The following XPNPEP1 variants were observed in gnomAD, a reference collection of about 807,000 sequenced individuals.
XPNPEP1 encodes xaa-Pro aminopeptidase 1.
A neutral mutation model predicts 92.4 loss-of-function variants in XPNPEP1; 39 were observed. That is an observed-to-expected ratio of 0.42 (90% CI 0.33 to 0.55). XPNPEP1 has a LOEUF of 0.55. Ranked by LOEUF, XPNPEP1 falls within the 20% of genes least tolerant of loss-of-function variation. The pLI, the probability that XPNPEP1 is intolerant of heterozygous loss-of-function variation, is 0.08. For synonymous variants in XPNPEP1, 307 were observed against 299.4 expected (o/e 1.03, Z -0.26); for missense variants, 654 against 856.1 (o/e 0.76, Z 2.95).
At chr10:109,918,220 G>A (rs1004378927) in intron 1 of XPNPEP1, among the ~76,000 whole-genome samples, 2 of 151,874 alleles carry the variant, frequency 1.3e-5, no homozygotes, top group Non-Finnish European at 2.9e-5. Flanking sequence ...CCCAGGGTTC[G>A]AGACTAGCTT....
At chr10:109,903,034 G>C (rs984388944) in intron 3 of XPNPEP1, among the ~76,000 whole-genome samples, 1 of 152,280 alleles carries the variant, frequency 6.6e-6, no homozygotes, top group Non-Finnish European at 1.5e-5. Context: ...GCTTTATGAT[G>C]ACCAAACAAA....
intron 3 of XPNPEP1, among the ~76,000 whole-genome samples, chr10:109,906,582 C>G (rs749582989): frequency 6.6e-6 from 1 of 152,148 alleles, no homozygotes; most frequent in East Asian, 1.9e-4. Context: ...GCCCTTGAAT[C>G]CTTATAAAGC....
At chr10:109,893,102 G>C in intron 3 of XPNPEP1, 27 bp from the exon 4 acceptor site, 1 of 1,607,106 alleles carries the variant, frequency 6.2e-7, no homozygotes, top group Non-Finnish European at 8.5e-7. Flanking sequence ...ACAACAAAGT[G>C]GGCCTCGATC....
At chr10:109,919,346 A>G (rs1199984402) in intron 1 of XPNPEP1, among the ~76,000 whole-genome samples, 3 of 152,250 alleles carry the variant, frequency 2.0e-5, no homozygotes, top group Non-Finnish European at 4.4e-5. Context: ...TTCTCCAGCA[A>G]AAGTACACAA....
intron 3 of XPNPEP1, among the ~76,000 whole-genome samples, chr10:109,895,462 T>C (rs993483357): frequency 6.6e-6 from 1 of 152,232 alleles, no homozygotes; most frequent in Non-Finnish European, 1.5e-5. Flanking sequence ...TGGACATGTT[T>C]AGTTTGGGAT....
intron 5 of XPNPEP1, among the ~76,000 whole-genome samples, chr10:109,890,386 T>A (rs1302827286): frequency 6.6e-6 from 1 of 152,228 alleles, no homozygotes; most frequent in African/African-American, 2.4e-5. Flanking sequence ...AGTTAGTTTT[T>A]GATATTTGGA....
chr10:109,894,737 T>A (rs1253621695), intron 3 of XPNPEP1, among the ~76,000 whole-genome samples: 1 of 152,084 alleles, frequency 6.6e-6, no homozygotes, highest in African/African-American at 2.4e-5. Context: ...TCCTGGCAGC[T>A]CTCTCAGCCT....
chr10:109,911,639 TATC>T (rs920683561), intron 2 of XPNPEP1, among the ~76,000 whole-genome samples: 4 of 152,228 alleles, frequency 2.6e-5, no homozygotes, highest in Non-Finnish European at 5.9e-5. Flanking sequence ...CTGAGCAAGT[TATC>T]ATTCTTAAAA....
At chr10:109,871,365 G>A (rs1847461677) in intron 17 of XPNPEP1, among the ~76,000 whole-genome samples, 1 of 152,114 alleles carries the variant, frequency 6.6e-6, no homozygotes, top group South Asian at 2.1e-4. Flanking sequence ...CACCCACCAG[G>A]CCTCAAGCAA....
chr10:109,881,080 C>G, intron 10 of XPNPEP1, 149 bp from the exon 11 acceptor site: 1 of 647,264 alleles, frequency 1.5e-6, no homozygotes. Flanking sequence ...CCCTGGGGCC[C>G]CAACGACCTG....
In XPNPEP1 at chr10:109,870,715, T is replaced by C; in HGVS notation, c.1696+16A>G. On this transcript the variant is annotated intron_variant, in intron 18 of 20. Transcript: ENST00000502935. ...CTCAAGGATCCACGCATGCCCTCTATGTGAGGGACACTTACCATCAGTGAC... is the reference window on the plus strand; with the variant it reads ...CTCAAGGATCCACGCATGCCCTCTACGTGAGGGACACTTACCATCAGTGAC... 3 of 1,612,968 alleles carry C rather than the reference T, an allele frequency of 1.9e-6. No individual in the cohort carries two copies. Among genetic ancestry groups the C allele is most frequent in the East Asian group, 2.2e-5 (1 of 44,868 alleles).
At position 109,918,388 on chromosome 10, in the gene XPNPEP1, T is replaced by G. The variant is rs573796922; in HGVS notation, c.33-3289A>C. 5.3e-5 allele frequency among the ~76,000 whole-genome samples: 8 copies of G among 152,078 alleles called. No homozygotes were observed. In the South Asian group the frequency reaches 1.7e-3, roughly 32 times the overall value. On this transcript the variant is annotated intron_variant, in intron 1 of 20. Coordinates refer to ENST00000502935, the MANE Select transcript of XPNPEP1 (RefSeq NM_020383.4). ...GTGAGCTGTGATCGCCCCACTGCAG[T>G]CTAGCCTTGGTGACACAGAGAGACC...
intron 3 of XPNPEP1, among the ~76,000 whole-genome samples, chr10:109,904,995 A>T (rs940881382): frequency 2.0e-5 from 3 of 152,204 alleles, no homozygotes; most frequent in African/African-American, 7.2e-5. Flanking sequence ...AATAGCCAAG[A>T]GGTGGAAAAA....
chr10:109,872,459 G>A lies in XPNPEP1; in HGVS notation c.1453-598C>T, dbSNP rs186343943. Among the ~76,000 whole-genome samples the A allele has an allele frequency of 1.4e-4, 21 of 152,334 alleles. No homozygotes were observed. In the East Asian group the frequency reaches 3.9e-3, roughly 28 times the overall value. On this transcript the variant is annotated intron_variant, in intron 16 of 20. Coordinates refer to ENST00000502935, the MANE Select transcript of XPNPEP1 (RefSeq NM_020383.4). ...AAGTGTAGCAGCTTGCCAGTAAGGT[G>A]CAGAGTCAGGACTAAAACTCCATGC...
intron 5 of XPNPEP1, among the ~76,000 whole-genome samples, chr10:109,889,179 C>T (rs1375958699): frequency 6.6e-6 from 1 of 152,230 alleles, no homozygotes; most frequent in East Asian, 1.9e-4. Flanking sequence ...GAGAGGCACA[C>T]AGGCACCTGT....
intron 3 of XPNPEP1, among the ~76,000 whole-genome samples, chr10:109,896,553 A>G (rs1410890554): frequency 6.6e-6 from 1 of 151,448 alleles, no homozygotes; most frequent in Non-Finnish European, 1.5e-5. Context: ...TACAGGCAAG[A>G]GCCACCATGC....
chr10:109,874,387 G>A (rs897983736), intron 15 of XPNPEP1, among the ~76,000 whole-genome samples: 1 of 152,160 alleles, frequency 6.6e-6, no homozygotes, highest in Non-Finnish European at 1.5e-5. Context: ...CCTGGACAGA[G>A]ACCCTAAAAA....
intron 1 of XPNPEP1, among the ~76,000 whole-genome samples, chr10:109,919,460 T>C (rs1178884042): frequency 6.6e-6 from 1 of 152,022 alleles, no homozygotes; most frequent in Non-Finnish European, 1.5e-5. Context: ...AAGGTTATAA[T>C]AAAAAAGATT....
At chr10:109,874,489 A>G (rs935810488) in intron 15 of XPNPEP1, among the ~76,000 whole-genome samples, 9 of 152,254 alleles carry the variant, frequency 5.9e-5, no homozygotes, top group Non-Finnish European at 1.2e-4. Flanking sequence ...AGAAGTGAAG[A>G]AAAGTTTACA....
Sources: gnomAD v4.1 joint callset for allele counts (sites outside exome capture counted in the v4.1 genomes callset) on GRCh38, gnomAD v4.1.1 for gene constraint, MANE v1.5 for transcripts, NCBI Gene and HGNC (gene_info 2026-07-23, HGNC 2026-07-21) for gene names.